The following REDIC1 variants were observed in gnomAD, a reference collection of about 807,000 sequenced individuals.
REDIC1 encodes the protein regulator of DNA class I crossover intermediates 1, also known as HEI10 Interacting Protein 1.
the REDIC1 span, among the ~76,000 whole-genome samples, chr12:39,738,568 A>G: frequency 6.6e-6 from 1 of 152,234 alleles, no homozygotes; most frequent in African/African-American, 2.4e-5. Flanking sequence ...CTCCTTCCAC[A>G]GAAGGTGGAG....
chr12:39,754,339 G>C, the REDIC1 span: 1 of 152,214 alleles, frequency 6.6e-6, no homozygotes, highest in East Asian at 1.9e-4. Context: ...TCAGGTGAGT[G>C]GACAATTTAT....
At chr12:39,815,819 T>C in the REDIC1 span, among the ~76,000 whole-genome samples, 2 of 152,166 alleles carry the variant, frequency 1.3e-5, no homozygotes, top group Admixed American at 6.5e-5. Context: ...TGTTAAGTTA[T>C]AGCACAGTAC....
chr12:39,666,546 G>T, the REDIC1 span, among the ~76,000 whole-genome samples: 19 of 152,098 alleles, frequency 1.2e-4, no homozygotes, highest in Non-Finnish European at 2.5e-4. Context: ...TTGTGTCTCT[G>T]CCCGGCTTTG....
the REDIC1 span, among the ~76,000 whole-genome samples, chr12:39,836,297 T>A: frequency 6.6e-6 from 1 of 152,074 alleles, no homozygotes; most frequent in East Asian, 1.9e-4. Context: ...TATTAGAAAC[T>A]CAAATAGAGG....
the REDIC1 span, among the ~76,000 whole-genome samples, chr12:39,712,414 A>ATATATACATACGTATATG: frequency 2.2e-5 from 3 of 134,572 alleles, no homozygotes; most frequent in African/African-American, 7.9e-5. Context: ...ATACATACGT[A>ATATATACATACGTATATG]TATACATACG....
chr12:39,700,313 T>TC, the REDIC1 span, among the ~76,000 whole-genome samples: 1 of 152,134 alleles, frequency 6.6e-6, no homozygotes, highest in Non-Finnish European at 1.5e-5. Flanking sequence ...CAGGAGCCGA[T>TC]GCGATCAACT....
At chr12:39,735,813 G>C in the REDIC1 span, among the ~76,000 whole-genome samples, 5 of 152,166 alleles carry the variant, frequency 3.3e-5, no homozygotes, top group African/African-American at 1.2e-4. Flanking sequence ...ATGTCAACAT[G>C]CTTTCCTATA....
the REDIC1 span, among the ~76,000 whole-genome samples, chr12:39,659,855 T>C: frequency 1.3e-5 from 2 of 152,186 alleles, no homozygotes; most frequent in Admixed American, 6.6e-5. Context: ...CTGGACATTT[T>C]TATTTTCCTG....
At chr12:39,880,589 A>C in the REDIC1 span, among the ~76,000 whole-genome samples, 1 of 152,358 alleles carries the variant, frequency 6.6e-6, no homozygotes, top group East Asian at 1.9e-4. Context: ...TTTACTTATT[A>C]ATCACATTTA....
the REDIC1 span, among the ~76,000 whole-genome samples, chr12:39,719,174 A>G: frequency 6.6e-6 from 1 of 152,154 alleles, no homozygotes; most frequent in Non-Finnish European, 1.5e-5. Flanking sequence ...GTCCTTTAAT[A>G]GCATGTTCTC....
the REDIC1 span, among the ~76,000 whole-genome samples, chr12:39,794,757 C>T: frequency 6.6e-6 from 1 of 152,208 alleles, no homozygotes; most frequent in Non-Finnish European, 1.5e-5. Context: ...ATTTGCGAAT[C>T]ATTCTTTGCT....
At chr12:39,809,659 C>T in the REDIC1 span, among the ~76,000 whole-genome samples, 4 of 152,094 alleles carry the variant, frequency 2.6e-5, no homozygotes, top group African/African-American at 9.7e-5. Context: ...TTTCCCCATC[C>T]CCCCACCCCA....
the REDIC1 span, among the ~76,000 whole-genome samples, chr12:39,801,873 T>TTA: frequency 6.6e-6 from 1 of 152,138 alleles, no homozygotes; most frequent in Non-Finnish European, 1.5e-5. Flanking sequence ...AAAGCAGACA[T>TTA]TACTCACTCA....
chr12:39,786,810 G>A, the REDIC1 span, among the ~76,000 whole-genome samples: 718 of 152,256 alleles, frequency 4.7e-3, 43 homozygotes, highest in East Asian at 0.13. Context: ...CCTGTAACAG[G>A]TGCAATGACT....
the REDIC1 span, among the ~76,000 whole-genome samples, chr12:39,867,204 G>T: frequency 6.6e-6 from 1 of 152,062 alleles, no homozygotes; most frequent in East Asian, 1.9e-4. Context: ...ATATCTTATT[G>T]CCATGCAACA....
At chr12:39,643,904 G>GA in the REDIC1 span, 1 of 1,553,680 alleles carries the variant, frequency 6.4e-7, no homozygotes, top group Non-Finnish European at 8.7e-7. Context: ...TATCTTGCAA[G>GA]AAGAAAATTC....
At chr12:39,842,770 C>A in the REDIC1 span, among the ~76,000 whole-genome samples, 1 of 151,972 alleles carries the variant, frequency 6.6e-6, no homozygotes, top group African/African-American at 2.4e-5. Context: ...CTTTACTTCC[C>A]AATTCCCACT....
the REDIC1 span, among the ~76,000 whole-genome samples, chr12:39,825,069 A>G: frequency 0.014 from 2,142 of 152,310 alleles, 38 homozygotes; most frequent in African/African-American, 0.047. Context: ...CTGCTGAATG[A>G]ATACGGTAAA....
At chr12:39,723,602 A>G in the REDIC1 span, among the ~76,000 whole-genome samples, 1 of 152,128 alleles carries the variant, frequency 6.6e-6, no homozygotes, top group Non-Finnish European at 1.5e-5. Context: ...TATAAAGCAG[A>G]GTAAATCCTA....
Sources: gnomAD v4.1 joint callset for allele counts (sites outside exome capture counted in the v4.1 genomes callset) on GRCh38, gnomAD v4.1.1 for gene constraint, MANE v1.5 for transcripts, NCBI Gene and HGNC (gene_info 2026-07-23, HGNC 2026-07-21) for gene names.